PCDH15: variants seen among roughly 807,000 people sequenced by gnomAD.
PCDH15 encodes the protein protocadherin-15.
In PCDH15, 129 loss-of-function variants were observed where a neutral mutation model predicts 178.5. That is an observed-to-expected ratio of 0.72 (90% confidence interval 0.63 to 0.84). The LOEUF (loss-of-function observed/expected upper bound fraction) is 0.84. Ranked by LOEUF, PCDH15 falls within the 40% of genes least tolerant of loss-of-function variation. PCDH15 has a pLI of 0.00. For synonymous variants in PCDH15, 800 were observed against 732.0 expected, an observed-to-expected ratio of 1.09 and a Z score of -1.50; for missense variants, 2,230 against 2,099.9, an observed-to-expected ratio of 1.06 and a Z score of -1.21.
At chr10:54,490,648 C>T (rs2079512319) in intron 3 of PCDH15, among the ~76,000 whole-genome samples, 2 of 151,960 alleles carry the variant, frequency 1.3e-5, no homozygotes. Context: ...CACACATATG[C>T]CATCCCACCC....
chr10:55,418,517 C>G (rs563303526), intron 2 of PCDH15, among the ~76,000 whole-genome samples: 28 of 151,766 alleles, frequency 1.8e-4, no homozygotes, highest in African/African-American at 5.5e-4. Context: ...TAAAAGAAAA[C>G]AGCGAGTGTA....
At chr10:54,714,328 G>A (rs2095455542) in intron 1 of PCDH15, among the ~76,000 whole-genome samples, 2 of 152,118 alleles carry the variant, frequency 1.3e-5, no homozygotes. Flanking sequence ...TGAGAAGAGA[G>A]ACTGATAGGT....
chr10:55,352,784 T>C (rs115204073), intron 2 of PCDH15, among the ~76,000 whole-genome samples: 209 of 152,086 alleles, frequency 1.4e-3, no homozygotes, highest in African/African-American at 4.1e-3. Context: ...AGCTGAGTGG[T>C]TGGACTGAGA....
At chr10:55,130,185 T>C (rs1838003881) in intron 2 of PCDH15, among the ~76,000 whole-genome samples, 1 of 152,042 alleles carries the variant, frequency 6.6e-6, no homozygotes, top group Non-Finnish European at 1.5e-5. Context: ...CTAGGGAAGG[T>C]AAACATTAAT....
At chr10:55,040,711 A>G (rs2131976593) in intron 2 of PCDH15, among the ~76,000 whole-genome samples, 1 of 152,290 alleles carries the variant, frequency 6.6e-6, no homozygotes, top group East Asian at 1.9e-4. Flanking sequence ...TTAAGAACTC[A>G]TTTAGAAAAT....
chr10:53,960,052 T>A (rs1444214743), intron 22 of PCDH15, among the ~76,000 whole-genome samples: 1 of 152,156 alleles, frequency 6.6e-6, no homozygotes, highest in Non-Finnish European at 1.5e-5. Flanking sequence ...GCCAGATAAA[T>A]GTTATTATTT....
intron 2 of PCDH15, among the ~76,000 whole-genome samples, chr10:54,997,102 C>CT (rs1491236483): frequency 9.6e-6 from 1 of 104,370 alleles, no homozygotes; most frequent in African/African-American, 3.6e-5. Flanking sequence ...AAGAGCAAAA[C>CT]TCTAGTCTCA....
intron 2 of PCDH15, among the ~76,000 whole-genome samples, chr10:54,899,319 A>G (rs146142093): frequency 7.9e-5 from 12 of 152,232 alleles, no homozygotes; most frequent in African/African-American, 2.9e-4. Context: ...TATCACAAGG[A>G]TACAAAAGCA....
chr10:54,362,776 AG>A (rs1463210723), intron 5 of PCDH15, among the ~76,000 whole-genome samples: 5 of 152,084 alleles, frequency 3.3e-5, no homozygotes, highest in Non-Finnish European at 5.9e-5. Context: ...AAAAATCTCA[AG>A]TGGCATGACA....
At chr10:54,752,529 CAAA>C (rs150006610) in intron 1 of PCDH15, among the ~76,000 whole-genome samples, 1 of 51,960 alleles carries the variant, frequency 1.9e-5, no homozygotes, top group African/African-American at 6.5e-5. Flanking sequence ...AACAAACAAA[CAAA>C]AAAAAACAAT....
intron 2 of PCDH15, among the ~76,000 whole-genome samples, chr10:54,924,925 C>T (rs1256090245): frequency 6.6e-6 from 1 of 152,062 alleles, no homozygotes. Flanking sequence ...GTTTATTTTG[C>T]TGTGCAGAAG....
chr10:54,326,743 A>C (rs1938205316), intron 7 of PCDH15, among the ~76,000 whole-genome samples: 1 of 152,142 alleles, frequency 6.6e-6, no homozygotes, highest in African/African-American at 2.4e-5. Flanking sequence ...ATTTGGTGCC[A>C]AAAACAAATG....
At chr10:55,184,895 A>C (rs1839753960) in intron 1 of PCDH15, among the ~76,000 whole-genome samples, 2 of 151,930 alleles carry the variant, frequency 1.3e-5, no homozygotes, top group Admixed American at 1.3e-4. Context: ...CCAAATAGAA[A>C]ATGAGTTAAA....
intron 1 of PCDH15, among the ~76,000 whole-genome samples, chr10:54,796,534 CCTGT>C (rs1479611966): frequency 6.6e-6 from 1 of 151,632 alleles, no homozygotes; most frequent in Non-Finnish European, 1.5e-5. Flanking sequence ...GTTTTCCCGG[CCTGT>C]CTGTCACTCT....
At chr10:54,402,352 A>C (rs550662865) in intron 3 of PCDH15, among the ~76,000 whole-genome samples, 1 of 151,998 alleles carries the variant, frequency 6.6e-6, no homozygotes, top group South Asian at 2.1e-4. Context: ...ATTCCTAGCC[A>C]CTGAAATAAA....
chr10:54,413,254 G>C (rs1953825965), intron 3 of PCDH15, among the ~76,000 whole-genome samples: 1 of 152,076 alleles, frequency 6.6e-6, no homozygotes, highest in African/African-American at 2.4e-5. Context: ...AATAATACAT[G>C]GTTGGCTATC....
Position 54,166,942 on chromosome 10 carries a change from CA to C in PCDH15, c.1591-13650del, listed in dbSNP as rs565725545. Among the ~76,000 whole-genome samples, 417 of 152,328 alleles carry C rather than the reference CA, an allele frequency of 2.7e-3. 1 individual carries two copies. The highest frequency in any genetic ancestry group is 9.5e-3 in the African/African-American group (396 of 41,576). On this transcript the variant is annotated intron_variant, in intron 13 of 37. Coordinates refer to ENST00000644397, the MANE Select transcript of PCDH15 (RefSeq NM_001384140.1). ...CCTTGCGAACCCCACTCCTGCCCGC[CA>C]GAGAACAAACCCCCTTTGACTGTAA...
At chr10:53,893,175 G>C (rs1423410960) in intron 26 of PCDH15, among the ~76,000 whole-genome samples, 1 of 151,678 alleles carries the variant, frequency 6.6e-6, no homozygotes, top group African/African-American at 2.4e-5. Flanking sequence ...TAGCCCAGTT[G>C]TTCAGGAAAA....
intron 20 of PCDH15, among the ~76,000 whole-genome samples, chr10:53,997,596 T>C (rs1028131392): frequency 3.9e-5 from 6 of 152,190 alleles, no homozygotes; most frequent in African/African-American, 1.2e-4. Context: ...TTTGGAAAAT[T>C]TGATTCTTCA....
Sources: gnomAD v4.1 joint callset for allele counts (sites outside exome capture counted in the v4.1 genomes callset) on GRCh38, gnomAD v4.1.1 for gene constraint, MANE v1.5 for transcripts, NCBI Gene and HGNC (gene_info 2026-07-23, HGNC 2026-07-21) for gene names.